Variants in RBM6 observed in about 807,000 individuals in gnomAD.
RBM6 encodes RNA-binding protein 6.
Under a neutral mutation model 140.4 loss-of-function variants are expected in RBM6, and 23 were observed. The observed-to-expected ratio is 0.16, with a 90% confidence interval of 0.12 to 0.23. The LOEUF is 0.23. Among genes scored for constraint, RBM6 ranks in the 10% least tolerant of loss-of-function variants. The pLI, the probability that RBM6 is intolerant of heterozygous loss-of-function variation, is 1.00. For missense variants in RBM6, 1,139 were observed against 1,386.7 expected, an observed-to-expected ratio of 0.82 and a Z score of 2.84; for synonymous variants, 439 against 475.6, an observed-to-expected ratio of 0.92 and a Z score of 1.00.
At position 49,967,363 on chromosome 3, in the gene RBM6, A is replaced by T. The variant is rs2084556765; in HGVS notation, c.45-107A>T. 8.0e-6 allele frequency: 12 copies of T among 1,504,202 alleles called. No individual in the cohort carries two copies. The highest frequency in any genetic ancestry group is 5.6e-5 in the African/African-American group (4 of 71,528). The allele number at this position is 1,504,202 out of a possible 1,614,324, so 93.2% of individuals were successfully genotyped here. The stretch of plus-strand genomic sequence containing the variant: ...GGACCTTGTTACAGAACTCTGCCAA[A>T]AAAAAAATGTTTACAGAAGAATGTG... On this transcript the variant is annotated intron_variant, in intron 2 of 20. Coordinates refer to ENST00000266022, the MANE Select transcript of RBM6 (RefSeq NM_005777.3). This position sits in a 1 kb window ranked among gnomAD's most constrained non-coding sequence, Gnocchi z 4.0.
chr3:49,983,413 T>G (rs1246624828), intron 5 of RBM6, among the ~76,000 whole-genome samples: 1 of 151,738 alleles, frequency 6.6e-6, no homozygotes, highest in Non-Finnish European at 1.5e-5. Flanking sequence ...CTCAGGAGTT[T>G]GTGACCAGCA....
intron 17 of RBM6, among the ~76,000 whole-genome samples, 196 bp downstream of exon 17, chr3:50,066,698 T>C (rs2090133929): frequency 6.6e-6 from 1 of 152,106 alleles, no homozygotes; most frequent in Non-Finnish European, 1.5e-5. Flanking sequence ...TGTGGTGTTG[T>C]GTGCCTGTAG....
At chr3:49,951,761 C>T (rs543772227) in intron 1 of RBM6, among the ~76,000 whole-genome samples, 7 of 144,238 alleles carry the variant, frequency 4.9e-5, no homozygotes, top group African/African-American at 1.3e-4. Flanking sequence ...CTCGCCCTGT[C>T]GCCCAGGCTG....
At chr3:49,945,607 C>T (rs1198986459) in intron 1 of RBM6, among the ~76,000 whole-genome samples, 3 of 151,918 alleles carry the variant, frequency 2.0e-5, no homozygotes, top group South Asian at 2.1e-4. Flanking sequence ...AGGGGCTGGG[C>T]GCGGGTGGCT....
chr3:50,058,322 T>C, intron 9 of RBM6, 80 bp from the exon 10 acceptor site: 2 of 1,451,176 alleles, frequency 1.4e-6, no homozygotes, highest in Admixed American at 3.6e-5. Context: ...TAGTAAAAAA[T>C]GACAGTCAGA....
intron 19 of RBM6, among the ~76,000 whole-genome samples, chr3:50,074,496 T>C (rs2090400869): frequency 6.6e-6 from 1 of 152,030 alleles, no homozygotes; most frequent in Non-Finnish European, 1.5e-5. Context: ...TAATTTTGTA[T>C]TTTTAGTAGA....
Position 49,994,768 on chromosome 3 carries a change from C to A in RBM6, c.1484-4672C>A, listed in dbSNP as rs558129209. On this transcript the variant is annotated intron_variant, in intron 5 of 20. Coordinates refer to ENST00000266022, the MANE Select transcript of RBM6 (RefSeq NM_005777.3). ...TCTTAAAAGAAAGGAGAAAAAAAAA[C>A]CTTCCTGCTAATTGTGTTCTTTAAA... Among the ~76,000 whole-genome samples, 18 of 151,294 alleles carry A rather than the reference C, an allele frequency of 1.2e-4. No individual in the cohort carries two copies. The East Asian group carries it at 2.3e-3, about 20-fold the overall frequency.
At chr3:50,026,735 A>C (rs901244295) in intron 6 of RBM6, among the ~76,000 whole-genome samples, 1 of 151,860 alleles carries the variant, frequency 6.6e-6, no homozygotes, top group Non-Finnish European at 1.5e-5. Context: ...AACATGGTGA[A>C]TCCCCATATC....
At chr3:50,052,260 T>C (rs2089500840) in intron 7 of RBM6, among the ~76,000 whole-genome samples, 1 of 152,142 alleles carries the variant, frequency 6.6e-6, no homozygotes, top group Non-Finnish European at 1.5e-5. Context: ...AGATGAGGTT[T>C]CTCCATGTTG....
At chr3:49,978,426 A>G (rs753620396) in intron 5 of RBM6, among the ~76,000 whole-genome samples, 2 of 152,162 alleles carry the variant, frequency 1.3e-5, no homozygotes, top group Non-Finnish European at 2.9e-5. Context: ...CTGTCCTGTT[A>G]GTTGATGTAA....
At chr3:50,015,228 C>G (rs1328945377) in intron 6 of RBM6, among the ~76,000 whole-genome samples, 1 of 151,114 alleles carries the variant, frequency 6.6e-6, no homozygotes, top group Non-Finnish European at 1.5e-5. Context: ...CTGCTTCAGC[C>G]TCCCAAGTAG....
At chr3:50,015,067 A>AAG in intron 6 of RBM6, among the ~76,000 whole-genome samples, 1 of 151,198 alleles carries the variant, frequency 6.6e-6, no homozygotes, top group Non-Finnish European at 1.5e-5. Context: ...AAAAAAAAAA[A>AAG]AAAAGTTTTT....
intron 6 of RBM6, among the ~76,000 whole-genome samples, chr3:50,043,503 A>G (rs923874154): frequency 2.0e-5 from 3 of 146,750 alleles, no homozygotes; most frequent in Non-Finnish European, 4.6e-5. Flanking sequence ...AAAAAAAGAG[A>G]GATCTATCTC....
chr3:50,039,807 TAG>T (rs1025292207), intron 6 of RBM6, among the ~76,000 whole-genome samples: 3 of 152,198 alleles, frequency 2.0e-5, no homozygotes, highest in Non-Finnish European at 4.4e-5. Flanking sequence ...GTCTTTATGA[TAG>T]AGTCTTGTCT....
chr3:50,016,548 G>A (rs2108781582), intron 6 of RBM6, among the ~76,000 whole-genome samples: 1 of 151,070 alleles, frequency 6.6e-6, no homozygotes, highest in East Asian at 1.9e-4. Context: ...CAAAATATCT[G>A]TACTAATTTA....
intron 5 of RBM6, 133 bp from the exon 6 acceptor site, chr3:49,999,307 C>A (rs2086220552): frequency 1.4e-6 from 1 of 690,622 alleles, no homozygotes; most frequent in East Asian, 2.5e-5. Flanking sequence ...GCAACTTTAC[C>A]TAGTGTAGGG....
chr3:50,027,623 A>G (rs903613006), intron 6 of RBM6, among the ~76,000 whole-genome samples: 1 of 152,174 alleles, frequency 6.6e-6, no homozygotes, highest in African/African-American at 2.4e-5. Context: ...GGCTTCTTTT[A>G]CTTAGCCTAA....
At chr3:50,031,842 TTTGA>T (rs1479550592) in intron 6 of RBM6, among the ~76,000 whole-genome samples, 2 of 152,136 alleles carry the variant, frequency 1.3e-5, no homozygotes, top group Non-Finnish European at 2.9e-5. Flanking sequence ...CAGAGTATAA[TTTGA>T]TTGGTTGTAA....
At chr3:50,025,376 T>C (rs2087740330) in intron 6 of RBM6, among the ~76,000 whole-genome samples, 1 of 151,394 alleles carries the variant, frequency 6.6e-6, no homozygotes, top group Admixed American at 6.6e-5. Context: ...TGAGCTGAGA[T>C]CACACCACTG....
Sources: gnomAD v4.1 joint callset for allele counts (sites outside exome capture counted in the v4.1 genomes callset) on GRCh38, gnomAD v4.1.1 for gene constraint, Gnocchi (gnomAD v3.1) non-coding constraint, MANE v1.5 for transcripts, NCBI Gene and HGNC (gene_info 2026-07-23, HGNC 2026-07-21) for gene names.